SMYD3: variants seen among roughly 807,000 people sequenced by gnomAD.
The protein encoded by SMYD3 is histone-lysine N-methyltransferase SMYD3.
Under a neutral mutation model 57.7 loss-of-function variants are expected in SMYD3, and 36 were observed. The ratio of observed to expected loss-of-function variants is 0.62; its 90% CI spans 0.48 to 0.82. The LOEUF is 0.82. Among genes scored for constraint, SMYD3 ranks in the 40% least tolerant of loss-of-function variants. SMYD3 has a pLI of 0.00. For synonymous variants in SMYD3, 211 were observed against 195.0 expected (o/e 1.08, Z -0.68); for missense variants, 515 against 538.8 (o/e 0.96, Z 0.44).
At chr1:246,268,300 A>C (rs1444464343) in intron 5 of SMYD3, among the ~76,000 whole-genome samples, 1 of 152,192 alleles carries the variant, frequency 6.6e-6, no homozygotes, top group Non-Finnish European at 1.5e-5. Flanking sequence ...CTACACTCCC[A>C]CCAGCCCCAT....
At chr1:245,766,973 C>G (rs114243966) in intron 10 of SMYD3, among the ~76,000 whole-genome samples, 1 of 152,124 alleles carries the variant, frequency 6.6e-6, no homozygotes, top group African/African-American at 2.4e-5. Context: ...CTGCTGATTG[C>G]GGGCCTGGTT....
intron 5 of SMYD3, among the ~76,000 whole-genome samples, chr1:245,997,979 C>A (rs2058965812): frequency 6.6e-6 from 1 of 152,186 alleles, no homozygotes; most frequent in African/African-American, 2.4e-5. Flanking sequence ...CTTTCTGATC[C>A]CACTGAGAGG....
At chr1:246,102,822 C>T (rs1388846104) in intron 5 of SMYD3, among the ~76,000 whole-genome samples, 3 of 152,074 alleles carry the variant, frequency 2.0e-5, no homozygotes, top group African/African-American at 7.2e-5. Context: ...GTGTTTAAAG[C>T]AGCAGTGAGC....
intron 5 of SMYD3, among the ~76,000 whole-genome samples, chr1:245,989,885 CTGACCT>C (rs1234465384): frequency 2.0e-5 from 3 of 152,242 alleles, no homozygotes; most frequent in African/African-American, 7.2e-5. Context: ...TATAGATGCC[CTGACCT>C]TAAGATATAA....
intron 10 of SMYD3, among the ~76,000 whole-genome samples, chr1:245,833,592 C>T (rs1012108029): frequency 2.0e-5 from 3 of 152,220 alleles, no homozygotes; most frequent in African/African-American, 7.2e-5. Flanking sequence ...GTGAAGCTAA[C>T]CTGATCCCTT....
chr1:246,293,367 A>G lies in SMYD3; in HGVS notation c.531+33834T>C, dbSNP rs143609702. On this transcript the variant is annotated intron_variant, in intron 5 of 11. Coordinates refer to ENST00000490107, the MANE Select transcript of SMYD3 (RefSeq NM_001167740.2). ...AGAGATCTGGAGCTTTTAGAAGGCT[A>G]CTTTACCATAGGTGTGGTAAGTGTG... Among the ~76,000 whole-genome samples, 232 of 152,364 alleles carry G rather than the reference A, an allele frequency of 1.5e-3. 1 individual carries two copies. Among genetic ancestry groups the G allele is most frequent in the African/African-American group, 5.1e-3 (211 of 41,578 alleles).
intron 5 of SMYD3, among the ~76,000 whole-genome samples, chr1:246,142,037 G>A (rs1238853437): frequency 6.6e-6 from 1 of 152,198 alleles, no homozygotes; most frequent in Non-Finnish European, 1.5e-5. Flanking sequence ...CACCGGCCTT[G>A]AACCTCAGTA....
chr1:246,345,873 C>T (rs931228418), intron 2 of SMYD3, among the ~76,000 whole-genome samples: 2 of 152,144 alleles, frequency 1.3e-5, no homozygotes, highest in Non-Finnish European at 1.5e-5. Flanking sequence ...CAGAGACCAC[C>T]CTTAAACCCC....
intron 10 of SMYD3, among the ~76,000 whole-genome samples, chr1:245,790,344 C>T (rs1482982429): frequency 6.6e-6 from 1 of 152,194 alleles, no homozygotes; most frequent in African/African-American, 2.4e-5. Flanking sequence ...GAATGAATGA[C>T]CCTACTTGCT....
chr1:245,997,236 G>A (rs974043959), intron 5 of SMYD3, among the ~76,000 whole-genome samples: 5 of 152,248 alleles, frequency 3.3e-5, no homozygotes, highest in African/African-American at 1.2e-4. Context: ...AGATCAATTT[G>A]TTAAAAGACA....
chr1:245,986,781 G>C (rs1192933980), intron 5 of SMYD3, among the ~76,000 whole-genome samples: 1 of 152,200 alleles, frequency 6.6e-6, no homozygotes, highest in Non-Finnish European at 1.5e-5. Context: ...TATGCTAAGT[G>C]CATTGAAACA....
At chr1:246,390,400 C>T (rs914774510) in intron 1 of SMYD3, among the ~76,000 whole-genome samples, 1 of 151,742 alleles carries the variant, frequency 6.6e-6, no homozygotes, top group African/African-American at 2.4e-5. Context: ...ATGGACAGTA[C>T]ATGACAAAAA....
intron 10 of SMYD3, among the ~76,000 whole-genome samples, chr1:245,838,469 T>G (rs2050213235): frequency 6.6e-6 from 1 of 152,246 alleles, no homozygotes; most frequent in Admixed American, 6.5e-5. Flanking sequence ...TGTGTGGCTT[T>G]GGGTGAGGTG....
intron 10 of SMYD3, among the ~76,000 whole-genome samples, chr1:245,777,347 A>C (rs1458011513): frequency 1.3e-5 from 2 of 152,356 alleles, no homozygotes; most frequent in Admixed American, 1.3e-4. Context: ...AAAATTGCCA[A>C]AGGCAACCAC....
chr1:245,954,591 G>T (rs756051405), intron 5 of SMYD3, among the ~76,000 whole-genome samples: 1 of 152,160 alleles, frequency 6.6e-6, no homozygotes, highest in Non-Finnish European at 1.5e-5. Flanking sequence ...TGGAAGGCTC[G>T]CTTGAGCCCC....
At chr1:246,273,442 G>A (rs1366430551) in intron 5 of SMYD3, among the ~76,000 whole-genome samples, 2 of 151,764 alleles carry the variant, frequency 1.3e-5, no homozygotes, top group Non-Finnish European at 2.9e-5. Flanking sequence ...GAGCCACCAC[G>A]CCCGGCCCAG....
chr1:246,498,027 C>T (rs1252303146), intron 1 of SMYD3, among the ~76,000 whole-genome samples: 2 of 152,162 alleles, frequency 1.3e-5, no homozygotes, highest in Non-Finnish European at 2.9e-5. Flanking sequence ...ATACTAAGAT[C>T]CCACTTCTCA....
At chr1:246,380,507 G>A (rs2066369734) in intron 1 of SMYD3, among the ~76,000 whole-genome samples, 1 of 152,144 alleles carries the variant, frequency 6.6e-6, no homozygotes, top group Non-Finnish European at 1.5e-5. Context: ...AATGGAAAAT[G>A]TTAATTATCT....
intron 10 of SMYD3, among the ~76,000 whole-genome samples, chr1:245,776,178 A>G (rs1308155636): frequency 1.3e-5 from 2 of 151,410 alleles, no homozygotes; most frequent in African/African-American, 2.4e-5. Context: ...TATGTGATTT[A>G]TTTAATAATT....
Sources: gnomAD v4.1 joint callset for allele counts (sites outside exome capture counted in the v4.1 genomes callset) on GRCh38, gnomAD v4.1.1 for gene constraint, MANE v1.5 for transcripts, NCBI Gene and HGNC (gene_info 2026-07-23, HGNC 2026-07-21) for gene names.